Variants in PLSCR4 observed in about 807,000 individuals in gnomAD.
The protein encoded by PLSCR4 is phospholipid scramblase 4, also known as Ca(2+)-dependent phospholipid scramblase 4.
PLSCR4 carries 25 observed loss-of-function variants against 36.3 expected under a neutral mutation model. The ratio of observed to expected loss-of-function variants is 0.69; its 90% CI spans 0.50 to 0.96. The LOEUF is 0.96. Among genes scored for constraint, PLSCR4 ranks in the 40% least tolerant of loss-of-function variants. The pLI, the probability that PLSCR4 is intolerant of heterozygous loss-of-function variation, is 0.00. For synonymous variants in PLSCR4, 122 were observed against 132.9 expected (o/e 0.92, Z 0.56); for missense variants, 408 against 414.7 (o/e 0.98, Z 0.14).
intron 1 of PLSCR4, among the ~76,000 whole-genome samples, chr3:146,241,682 G>C (rs79856739): frequency 0.017 from 2,561 of 152,244 alleles, 78 homozygotes; most frequent in African/African-American, 0.058. Context: ...ACTGACATTT[G>C]TAGGACACCC....
At chr3:146,245,676 T>C (rs1050904013) in intron 1 of PLSCR4, among the ~76,000 whole-genome samples, 1 of 152,036 alleles carries the variant, frequency 6.6e-6, no homozygotes, top group Non-Finnish European at 1.5e-5. Flanking sequence ...GCAATGTTTT[T>C]AAAAAATATG....
chr3:146,230,821 T>G (rs1023716315), intron 1 of PLSCR4, among the ~76,000 whole-genome samples: 1 of 152,156 alleles, frequency 6.6e-6, no homozygotes, highest in East Asian at 1.9e-4. Flanking sequence ...AGGAAGAAAT[T>G]TAAGACATGT....
chr3:146,201,392 T>C (rs183345149), intron 4 of PLSCR4, among the ~76,000 whole-genome samples: 36 of 152,192 alleles, frequency 2.4e-4, no homozygotes, highest in Non-Finnish European at 4.7e-4. Flanking sequence ...TGCTTATAGA[T>C]TGTTCCTAGA....
intron 6 of PLSCR4, 106 bp downstream of exon 6, chr3:146,199,707 G>A: frequency 3.3e-6 from 3 of 901,040 alleles, no homozygotes; most frequent in Non-Finnish European, 5.3e-6. Flanking sequence ...CTTCCATTCT[G>A]GCTGGCAGGG....
rs1254745762 is a variant in PLSCR4, at chr3:146,210,960, T to C, written c.119-4199A>G. 2.6e-5 allele frequency among the ~76,000 whole-genome samples: 4 copies of C among 152,046 alleles called. No homozygotes were observed. The East Asian group carries it at 7.7e-4, about 29-fold the overall frequency. On this transcript the variant is annotated intron_variant, in intron 3 of 8. Transcript: ENST00000354952. ...ATTCTATTGTGTGGATATATCACATTTTAGGTATTGTTTAATCAGTCAATG... is the reference window on the plus strand; with the variant it reads ...ATTCTATTGTGTGGATATATCACATCTTAGGTATTGTTTAATCAGTCAATG...
chr3:146,245,965 A>C (rs1327684209), intron 1 of PLSCR4, among the ~76,000 whole-genome samples: 1 of 152,090 alleles, frequency 6.6e-6, no homozygotes, highest in Non-Finnish European at 1.5e-5. Flanking sequence ...TCTTGGCTAT[A>C]GGGAACTGGA....
intron 3 of PLSCR4, among the ~76,000 whole-genome samples, chr3:146,209,518 CAG>C (rs1043584930): frequency 6.6e-6 from 1 of 152,032 alleles, no homozygotes; most frequent in Non-Finnish European, 1.5e-5. Flanking sequence ...TTAAGATAAG[CAG>C]TGGTAACTTT....
At chr3:146,229,741 C>T (rs2035631237) in intron 1 of PLSCR4, among the ~76,000 whole-genome samples, 1 of 151,806 alleles carries the variant, frequency 6.6e-6, no homozygotes, top group South Asian at 2.1e-4. Flanking sequence ...TCTCCTGCCT[C>T]AGCCTCCCAA....
intron 4 of PLSCR4, among the ~76,000 whole-genome samples, chr3:146,204,697 T>C (rs2034227610): frequency 6.6e-6 from 1 of 151,966 alleles, no homozygotes; most frequent in South Asian, 2.1e-4. Context: ...AGAAACAAGT[T>C]TTTAATATTT....
rs781551924 is a variant in PLSCR4 at position 146,201,114 on chromosome 3, T to G, written c.355-37A>C. Reference sequence around the variant, plus strand: ...AAACAAAGCAATCAGAAGACAGAAATAACAGAACTAAAATACCACTGTAAA... The same window carrying G: ...AAACAAAGCAATCAGAAGACAGAAAGAACAGAACTAAAATACCACTGTAAA... On this transcript the variant is annotated intron_variant, in intron 4 of 8. Transcript: ENST00000354952. 165 of 1,322,980 alleles carry G rather than the reference T, an allele frequency of 1.2e-4. 1 individual carries two copies. In the East Asian group the frequency reaches 4.3e-3, roughly 35 times the overall value. 82.0% of individuals were successfully genotyped at this position (1,322,980 alleles called of 1,614,324 possible).
chr3:146,232,293 C>A (rs545280871), intron 1 of PLSCR4, among the ~76,000 whole-genome samples: 1 of 152,224 alleles, frequency 6.6e-6, no homozygotes, highest in Non-Finnish European at 1.5e-5. Context: ...TGGCTTTCTT[C>A]TTTTTGTTTA....
At chr3:146,196,398 G>A in intron 7 of PLSCR4, 1 of 460,228 alleles carries the variant, frequency 2.2e-6, no homozygotes, top group Non-Finnish European at 3.9e-6. Flanking sequence ...TGTATTAAAT[G>A]ATTTCTTTTT....
intron 1 of PLSCR4, among the ~76,000 whole-genome samples, chr3:146,236,514 C>T (rs1210089420): frequency 6.6e-6 from 1 of 151,994 alleles, no homozygotes; most frequent in Non-Finnish European, 1.5e-5. Flanking sequence ...GTAACTGAAT[C>T]GTGGGGGCAG....
chr3:146,237,242 A>C, intron 1 of PLSCR4, among the ~76,000 whole-genome samples: 1 of 152,172 alleles, frequency 6.6e-6, no homozygotes, highest in East Asian at 1.9e-4. Flanking sequence ...AGAATATTTC[A>C]TAAAGAGAAG....
At chr3:146,203,188 A>G (rs1234547274) in intron 4 of PLSCR4, among the ~76,000 whole-genome samples, 1 of 152,034 alleles carries the variant, frequency 6.6e-6, no homozygotes, top group Non-Finnish European at 1.5e-5. Context: ...TATGGCAACT[A>G]TAGCCTAACG....
At chr3:146,229,789 T>C (rs2035632909) in intron 1 of PLSCR4, among the ~76,000 whole-genome samples, 1 of 151,866 alleles carries the variant, frequency 6.6e-6, no homozygotes, top group Non-Finnish European at 1.5e-5. Flanking sequence ...CACGCCTGGC[T>C]AATTTTTTGC....
intron 1 of PLSCR4, among the ~76,000 whole-genome samples, chr3:146,235,333 T>C (rs1004449132): frequency 6.6e-6 from 1 of 152,038 alleles, no homozygotes; most frequent in African/African-American, 2.4e-5. Context: ...TGTTTAAAAG[T>C]GTATGGTACC....
At chr3:146,217,159 T>C (rs1030110466) in intron 3 of PLSCR4, among the ~76,000 whole-genome samples, 2 of 152,112 alleles carry the variant, frequency 1.3e-5, no homozygotes, top group Admixed American at 6.6e-5. Context: ...GCTACAAAGA[T>C]GTATAAGAAA....
chr3:146,221,025 A>G (rs2108290988), intron 2 of PLSCR4, 100 bp from the exon 3 acceptor site: 3 of 642,854 alleles, frequency 4.7e-6, no homozygotes, highest in Non-Finnish European at 8.0e-6. Flanking sequence ...CAAGAAATAT[A>G]ATCAACTGGA....
Sources: gnomAD v4.1 joint callset for allele counts (sites outside exome capture counted in the v4.1 genomes callset) on GRCh38, gnomAD v4.1.1 for gene constraint, MANE v1.5 for transcripts, NCBI Gene and HGNC (gene_info 2026-07-23, HGNC 2026-07-21) for gene names.